The following PRSS23 variants were observed in gnomAD, a reference collection of about 807,000 sequenced individuals.
PRSS23 encodes serine protease 23.
PRSS23 carries 25 observed loss-of-function variants against 34.7 expected under a neutral mutation model. That is an observed-to-expected ratio of 0.72 (90% CI 0.53 to 1.01). The LOEUF (loss-of-function observed/expected upper bound fraction) is 1.01, where lower values mean the gene tolerates loss of function less well. Among genes scored for constraint, PRSS23 ranks in the 50% least tolerant of loss-of-function variants. PRSS23 has a pLI of 0.00. For missense variants in PRSS23, 445 were observed against 475.6 expected (o/e 0.94, Z 0.60); for synonymous variants, 176 against 186.6 (o/e 0.94, Z 0.46).
intron 1 of PRSS23, among the ~76,000 whole-genome samples, chr11:86,804,038 T>C (rs1351456778): frequency 6.6e-6 from 1 of 152,148 alleles, no homozygotes; most frequent in African/African-American, 2.4e-5. Flanking sequence ...TACGTGATTC[T>C]GGAAAATTAT....
chr11:86,917,091 G>A (rs138630844), intron 2 of PRSS23, among the ~76,000 whole-genome samples: 319 of 152,276 alleles, frequency 2.1e-3, no homozygotes, highest in East Asian at 7.5e-3. Context: ...AGGCCAAGGC[G>A]GGCAGATCAC....
intron 2 of PRSS23, among the ~76,000 whole-genome samples, chr11:86,846,254 G>A (rs1948485436): frequency 1.3e-5 from 2 of 152,068 alleles, no homozygotes; most frequent in African/African-American, 2.4e-5. Context: ...AGCCAGGCAG[G>A]ATACTCCAGG....
intron 2 of PRSS23, among the ~76,000 whole-genome samples, chr11:86,846,821 A>G (rs1948489716): frequency 6.6e-6 from 1 of 152,190 alleles, no homozygotes; most frequent in Admixed American, 6.5e-5. Flanking sequence ...AGGTGTCACC[A>G]TTTGATGGCT....
intron 2 of PRSS23, among the ~76,000 whole-genome samples, chr11:86,827,450 G>A (rs1416363059): frequency 6.6e-6 from 1 of 152,122 alleles, no homozygotes; most frequent in East Asian, 1.9e-4. Context: ...ACCAGCTGCT[G>A]GATTCATTAA....
At chr11:86,831,688 G>T (rs978729972) in intron 2 of PRSS23, among the ~76,000 whole-genome samples, 2 of 151,168 alleles carry the variant, frequency 1.3e-5, no homozygotes, top group Non-Finnish European at 2.9e-5. Context: ...GTCACAGGGG[G>T]TGTACACACT....
intron 2 of PRSS23, among the ~76,000 whole-genome samples, chr11:86,853,002 C>T (rs1335639330): frequency 2.0e-5 from 3 of 151,912 alleles, no homozygotes; most frequent in East Asian, 1.9e-4. Flanking sequence ...TACAGGCGTG[C>T]GCCACCACGC....
upstream of PRSS23, among the ~76,000 whole-genome samples, chr11:86,796,823 T>C (rs997465224): frequency 6.6e-6 from 1 of 152,170 alleles, no homozygotes; most frequent in Non-Finnish European, 1.5e-5. Context: ...ACAAAGTAGT[T>C]TTGTGAACAC....
At position 86,914,052 on chromosome 11, in the gene PRSS23, A is replaced by AC. The variant is rs1002249054; in HGVS notation, c.207-37164_207-37163insC. Among the ~76,000 whole-genome samples, 6 of 151,184 alleles carry AC rather than the reference A, an allele frequency of 4.0e-5. 1 individual carries two copies. The highest frequency in any genetic ancestry group is 3.3e-4 in the Admixed American group (5 of 15,188). On this transcript the variant is annotated intron_variant, in intron 2 of 2. Coordinates refer to the PRSS23 transcript ENST00000533902. ...AAACACCATCTCTACTAAAAAAAAAAAAAAAAAAACCTCAAAGATTAGCCA... is the reference window on the plus strand; with the variant it reads ...AAACACCATCTCTACTAAAAAAAAAACAAAAAAAAACCTCAAAGATTAGCCA...
At chr11:86,800,742 G>A in intron 1 of PRSS23, 91 bp downstream of exon 1, 1 of 766,566 alleles carries the variant, frequency 1.3e-6, no homozygotes, top group South Asian at 5.9e-5. Flanking sequence ...TATGCGCGGG[G>A]TAGGGTAACT....
chr11:86,831,586 A>T (rs140236923), intron 2 of PRSS23, among the ~76,000 whole-genome samples: 1 of 151,856 alleles, frequency 6.6e-6, no homozygotes, highest in African/African-American at 2.4e-5. Context: ...AATATTATTC[A>T]TAATATCCTA....
intron 2 of PRSS23, among the ~76,000 whole-genome samples, chr11:86,861,609 C>T (rs1055743932): frequency 6.6e-6 from 1 of 151,412 alleles, no homozygotes; most frequent in African/African-American, 2.4e-5. Flanking sequence ...TCGTACTATC[C>T]GGGAGGTGGG....
intron 2 of PRSS23, among the ~76,000 whole-genome samples, chr11:86,854,364 G>T (rs1948553903): frequency 6.6e-6 from 1 of 152,136 alleles, no homozygotes; most frequent in Non-Finnish European, 1.5e-5. Context: ...GATGCCTTGG[G>T]TTTCCTGTTG....
chr11:86,826,029 A>T (rs1383646871), intron 2 of PRSS23, among the ~76,000 whole-genome samples: 3 of 152,206 alleles, frequency 2.0e-5, no homozygotes, highest in Non-Finnish European at 2.9e-5. Context: ...AGTCATTGGT[A>T]GCTTGATGGG....
chr11:86,939,401 AAAAT>A (rs546849127), intron 2 of PRSS23, among the ~76,000 whole-genome samples: 5,819 of 56,776 alleles, frequency 0.1, 171 homozygotes, highest in Middle Eastern at 0.13. Flanking sequence ...GTTAAAAAAA[AAAAT>A]ATATATATAT....
intron 2 of PRSS23, among the ~76,000 whole-genome samples, chr11:86,928,459 A>C (rs1208426607): frequency 6.8e-6 from 1 of 148,022 alleles, no homozygotes. Flanking sequence ...GCAGATCATG[A>C]GGTCAGGAGA....
chr11:86,908,783 A>G (rs956791620), intron 2 of PRSS23, among the ~76,000 whole-genome samples: 9 of 152,020 alleles, frequency 5.9e-5, no homozygotes, highest in African/African-American at 2.2e-4. Context: ...TTTCATTTTC[A>G]ACTATTGTAA....
intron 2 of PRSS23, among the ~76,000 whole-genome samples, chr11:86,918,575 A>T (rs1949028517): frequency 6.6e-6 from 1 of 152,182 alleles, no homozygotes; most frequent in African/African-American, 2.4e-5. Context: ...GACATCCTAT[A>T]TATTTTACTT....
chr11:86,928,265 C>T (rs867911736), intron 2 of PRSS23, among the ~76,000 whole-genome samples: 2 of 147,480 alleles, frequency 1.4e-5, no homozygotes, highest in Admixed American at 1.4e-4. Context: ...TATACTTATA[C>T]ATATGTTTAA....
chr11:86,827,457 T>C (rs1408438286), intron 2 of PRSS23, among the ~76,000 whole-genome samples: 1 of 152,238 alleles, frequency 6.6e-6, no homozygotes, highest in Non-Finnish European at 1.5e-5. Context: ...GCTGGATTCA[T>C]TAATTTTTTG....
Sources: gnomAD v4.1 joint callset for allele counts (sites outside exome capture counted in the v4.1 genomes callset) on GRCh38, gnomAD v4.1.1 for gene constraint, MANE v1.5 for transcripts, NCBI Gene and HGNC (gene_info 2026-07-23, HGNC 2026-07-21) for gene names.